Variants in CCDC198 observed in about 807,000 individuals in gnomAD.
CCDC198 encodes the protein factor associated with metabolism and energy.
A neutral mutation model predicts 35.6 loss-of-function variants in CCDC198; 18 were observed. The ratio of observed to expected loss-of-function variants is 0.51; its 90% CI spans 0.35 to 0.75. The LOEUF is 0.75. Ranked by LOEUF, CCDC198 falls within the 30% of genes least tolerant of loss-of-function variation. CCDC198 has a pLI of 0.01. For missense variants in CCDC198, 365 were observed against 343.7 expected, an observed-to-expected ratio of 1.06 and a Z score of -0.49; for synonymous variants, 119 against 113.4, an observed-to-expected ratio of 1.05 and a Z score of -0.31.
chr14:57,481,615 T>A lies in CCDC198; in HGVS notation c.439A>T (p.Asn147Tyr). 1 of 1,612,648 alleles carries A rather than the reference T, an allele frequency of 6.2e-7. No individual in the cohort carries two copies. Among genetic ancestry groups the A allele is most frequent in the South Asian group, 1.1e-5 (1 of 90,996 alleles). The change falls in exon 4 of 6, where the codon AAC becomes TAC. Residue 147 changes from asparagine (N) to tyrosine (Y), a missense_variant. By Grantham distance (143) the Asn-to-Tyr change is moderately radical. Coordinates refer to ENST00000216445, the MANE Select transcript of CCDC198 (RefSeq NM_018168.4). ...TGCATCTTATGCAAATATTGTCTGT[T>A]CTCAGAAGTATACATTGGAGTTTGC... ...KMQTPMYTSE[N>Y]RQYLHKMQVL...
At chr14:57,475,062 C>T (rs944922740) in intron 5 of CCDC198, among the ~76,000 whole-genome samples, 2 of 152,040 alleles carry the variant, frequency 1.3e-5, no homozygotes, top group African/African-American at 4.8e-5. Flanking sequence ...GAGATCGAGA[C>T]CATCTTGGCT....
intron 5 of CCDC198, among the ~76,000 whole-genome samples, chr14:57,477,802 A>C (rs948729801): frequency 2.0e-5 from 3 of 152,066 alleles, no homozygotes; most frequent in Admixed American, 1.3e-4. Flanking sequence ...GGTTCAAGCG[A>C]TTCTCTTGCC....
intron 2 of CCDC198, among the ~76,000 whole-genome samples, chr14:57,484,136 C>G (rs1391324102): frequency 6.6e-6 from 1 of 152,152 alleles, no homozygotes; most frequent in Admixed American, 6.5e-5. Context: ...ATTGTGCCTC[C>G]CCACAAAATT....
intron 5 of CCDC198, among the ~76,000 whole-genome samples, chr14:57,479,815 AG>A (rs1364337717): frequency 3.9e-5 from 6 of 152,156 alleles, no homozygotes; most frequent in African/African-American, 1.4e-4. Flanking sequence ...ACAGGTTCCC[AG>A]GTGATGCTGA....
chr14:57,491,203 T>C, intron 1 of CCDC198, 132 bp from the exon 2 acceptor site: 1 of 841,638 alleles, frequency 1.2e-6, no homozygotes, highest in Non-Finnish European at 1.8e-6. Flanking sequence ...AACCTGTGGG[T>C]TGAATGTGGA....
Position 57,481,551 on chromosome 14 carries a change from G to C in CCDC198, c.495+8C>G, listed in dbSNP as rs144302288. Reference sequence around the variant, plus strand: ...ATTTGGTAAATATGACACTCTTCTCGTATTTACCTCTTGTCTTTTACGGAT... The same window carrying C: ...ATTTGGTAAATATGACACTCTTCTCCTATTTACCTCTTGTCTTTTACGGAT... On this transcript the variant is annotated splice_region_variant and intron_variant, in intron 4 of 5. Coordinates refer to ENST00000216445, the MANE Select transcript of CCDC198 (RefSeq NM_018168.4). 5.4e-4 allele frequency: 855 copies of C among 1,587,106 alleles called. 17 individuals are homozygous for C. The East Asian group carries it at 0.015, about 28-fold the overall frequency.
intron 1 of CCDC198, among the ~76,000 whole-genome samples, chr14:57,492,832 A>G (rs1180125639): frequency 6.6e-6 from 1 of 152,156 alleles, no homozygotes; most frequent in Non-Finnish European, 1.5e-5. Context: ...TTTAATTATC[A>G]TTGTGGTCAT....
chr14:57,484,211 C>A (rs2067280449), intron 2 of CCDC198, among the ~76,000 whole-genome samples: 2 of 152,168 alleles, frequency 1.3e-5, no homozygotes, highest in African/African-American at 2.4e-5. Flanking sequence ...AGGGTCATTG[C>A]AGATATAATT....
In CCDC198 at chr14:57,471,263, G is replaced by C; in HGVS notation, c.*92C>G. 2 of 868,194 alleles carry C rather than the reference G, an allele frequency of 2.3e-6. No homozygotes were observed. Among genetic ancestry groups the C allele is most frequent in the East Asian group, 2.6e-5 (1 of 38,846 alleles). 53.8% of individuals were successfully genotyped at this position (868,194 alleles called of 1,614,324 possible). On this transcript the variant is annotated 3_prime_UTR_variant, in exon 6 of 6. Coordinates refer to ENST00000216445, the MANE Select transcript of CCDC198 (RefSeq NM_018168.4). The stretch of plus-strand genomic sequence containing the variant: ...TTTCTTTTTACCAAAGTGATTTGCT[G>C]TCCTCAAAGTAATTCATATATCAGT...
chr14:57,469,459 T>A lies in CCDC198; in HGVS notation c.*1896A>T, dbSNP rs972529115. The A allele has an allele frequency of 1.3e-5, 2 of 152,226 alleles. No homozygotes were observed. The highest frequency in any genetic ancestry group is 1.3e-4 in the Admixed American group (2 of 15,284). The allele number at this position is 152,226 out of a possible 1,614,324, so 9.4% of individuals were successfully genotyped here. On this transcript the variant is annotated 3_prime_UTR_variant, in exon 6 of 6. Transcript: ENST00000216445. ...TCGTGAAATTGAATTTTAAGTCACA[T>A]AACAGAATGGTGAAGACGTGCCTTT...
chr14:57,480,038 C>A (rs2067130323), intron 5 of CCDC198, among the ~76,000 whole-genome samples: 1 of 152,160 alleles, frequency 6.6e-6, no homozygotes, highest in Non-Finnish European at 1.5e-5. Context: ...GGTGACCGAC[C>A]AGCTGTAGGG....
At chr14:57,489,999 T>G (rs2067505817) in intron 2 of CCDC198, among the ~76,000 whole-genome samples, 1 of 152,150 alleles carries the variant, frequency 6.6e-6, no homozygotes, top group South Asian at 2.1e-4. Flanking sequence ...TTCTAATATT[T>G]TGGGAAAAGA....
chr14:57,471,401 C>T lies in CCDC198; in HGVS notation c.845G>A (p.Arg282Lys), dbSNP rs758833561. The change falls in exon 6 of 6, where the codon AGG becomes AAG. Residue 282 changes from arginine (R) to lysine (K), a missense_variant. Arg to Lys is a conservative substitution (Grantham distance 26, BLOSUM62 2). Transcript: ENST00000216445. ...EKKPRALVRT[R>K]TERIPLFDEF... ...ATCGAAAAGTGGGATTCTCTCTGTC[C>T]TGGTCCTCACCAGTGCTCGTGGCTT... is the stretch of plus-strand genomic sequence containing the variant. 17 of 1,613,912 alleles carry T rather than the reference C, an allele frequency of 1.1e-5. No individual in the cohort carries two copies. The highest frequency in any genetic ancestry group is 1.7e-5 in the Admixed American group (1 of 59,990).
At chr14:57,491,602 C>A (rs1021751449) in intron 1 of CCDC198, among the ~76,000 whole-genome samples, 7 of 152,020 alleles carry the variant, frequency 4.6e-5, no homozygotes, top group African/African-American at 1.7e-4. Context: ...CCACAGGTTG[C>A]CACTGTAATA....
At chr14:57,474,584 C>T (rs1205954234) in intron 5 of CCDC198, among the ~76,000 whole-genome samples, 2 of 152,164 alleles carry the variant, frequency 1.3e-5, no homozygotes, top group African/African-American at 2.4e-5. Context: ...TCCTTTGTCA[C>T]TCATAAAGTA....
rs1363779878 is a variant in CCDC198 at position 57,483,134 on chromosome 14, G to A, written c.324C>T (p.Asp108=). The part of the protein sequence containing the change: ...PQRLQKLEPI[D]LPRVITSGRL... The stretch of plus-strand genomic sequence containing the variant: ...TTCCTGAAGTAATTACTCGTGGCAA[G>A]TCAATGGGTTCAAGCTTCTAGAAGT... Residue 108 remains aspartate (D), a synonymous_variant, in exon 3 of 6, where the codon GAC becomes GAT. Coordinates refer to ENST00000216445, the MANE Select transcript of CCDC198 (RefSeq NM_018168.4). 4 of 1,613,952 alleles carry A rather than the reference G, an allele frequency of 2.5e-6. No homozygotes were observed. Among genetic ancestry groups the A allele is most frequent in the African/African-American group, 2.7e-5 (2 of 74,910 alleles).
intron 2 of CCDC198, among the ~76,000 whole-genome samples, chr14:57,487,314 T>C (rs1463057253): frequency 2.6e-5 from 4 of 152,142 alleles, no homozygotes; most frequent in African/African-American, 9.7e-5. Flanking sequence ...CTAGGAGATT[T>C]GGGAATCTGG....
At chr14:57,491,177 T>C in intron 1 of CCDC198, 106 bp from the exon 2 acceptor site, 1 of 1,123,030 alleles carries the variant, frequency 8.9e-7, no homozygotes, top group South Asian at 1.4e-5. Context: ...TTGTACCTTT[T>C]CAGTTATATA....
chr14:57,474,530 T>C (rs1176377720), intron 5 of CCDC198, among the ~76,000 whole-genome samples: 3 of 152,246 alleles, frequency 2.0e-5, no homozygotes, highest in Admixed American at 2.0e-4. Flanking sequence ...AATGTTAGTG[T>C]ATGAGACAAA....
Sources: gnomAD v4.1 joint callset for allele counts (sites outside exome capture counted in the v4.1 genomes callset) on GRCh38, gnomAD v4.1.1 for gene constraint, MANE v1.5 for transcripts, NCBI Gene and HGNC (gene_info 2026-07-23, HGNC 2026-07-21) for gene names.